Variants in FHOD3 observed in about 807,000 individuals in gnomAD.
The protein encoded by FHOD3 is formin homology 2 domain containing 3.
A neutral mutation model predicts 173.0 loss-of-function variants in FHOD3; 90 were observed. The observed-to-expected ratio is 0.52, with a 90% CI of 0.44 to 0.62. FHOD3 has a LOEUF of 0.62. Among genes scored for constraint, FHOD3 ranks in the 20% least tolerant of loss-of-function variants. The pLI is 0.00. For synonymous variants in FHOD3, 828 were observed against 823.0 expected, an observed-to-expected ratio of 1.01 and a Z score of -0.10; for missense variants, 1,945 against 2,034.7, an observed-to-expected ratio of 0.96 and a Z score of 0.85.
chr18:36,728,350 A>G (rs1451954521), intron 19 of FHOD3, among the ~76,000 whole-genome samples: 1 of 152,190 alleles, frequency 6.6e-6, no homozygotes, highest in East Asian at 1.9e-4. Flanking sequence ...TCATTCCTTT[A>G]GCATTCCACA....
chr18:36,463,968 C>G (rs1245341573), intron 3 of FHOD3, among the ~76,000 whole-genome samples: 1 of 152,074 alleles, frequency 6.6e-6, no homozygotes, highest in Non-Finnish European at 1.5e-5. Flanking sequence ...AAGATTGATT[C>G]AGAAAATAGC....
chr18:36,569,711 A>G (rs2058388630), intron 5 of FHOD3, among the ~76,000 whole-genome samples: 1 of 152,192 alleles, frequency 6.6e-6, no homozygotes, highest in African/African-American at 2.4e-5. Flanking sequence ...AACCAATTTA[A>G]AATAATTGAA....
At chr18:36,415,320 C>T (rs1437431472) in intron 3 of FHOD3, among the ~76,000 whole-genome samples, 1 of 152,166 alleles carries the variant, frequency 6.6e-6, no homozygotes, top group Non-Finnish European at 1.5e-5. Flanking sequence ...GGTTTATGAT[C>T]TCATTTTGTT....
intron 5 of FHOD3, among the ~76,000 whole-genome samples, chr18:36,516,525 G>A (rs374548735): frequency 5.3e-5 from 8 of 152,198 alleles, no homozygotes; most frequent in African/African-American, 1.9e-4. Context: ...GGAGAAGGTT[G>A]GGGTGTAGAC....
rs561172625 is a variant in FHOD3 at position 36,330,599 on chromosome 18, C to T, written c.166-24940C>T. Among the ~76,000 whole-genome samples the T allele has an allele frequency of 9.0e-5, 12 of 133,198 alleles. No individual in the cohort carries two copies. In the South Asian group the frequency reaches 2.3e-3, roughly 25 times the overall value. 87.4% of individuals were successfully genotyped at this position (133,198 alleles called of 152,430 possible). ...ACTGTGGCGTGCAGGGCTGACCATC[C>T]GTCATTTTGCTGGCTGGTGTATCCA... On this transcript the variant is annotated intron_variant, in intron 1 of 28. Transcript: ENST00000590592.
chr18:36,323,164 G>T (rs556655765), intron 1 of FHOD3, among the ~76,000 whole-genome samples: 1 of 152,270 alleles, frequency 6.6e-6, no homozygotes, highest in Non-Finnish European at 1.5e-5. Context: ...CACTCAGAAA[G>T]GGGGCACCCG....
At chr18:36,350,515 G>A (rs1367346289) in intron 1 of FHOD3, among the ~76,000 whole-genome samples, 2 of 152,176 alleles carry the variant, frequency 1.3e-5, no homozygotes, top group South Asian at 4.1e-4. Flanking sequence ...ACCAAACCTA[G>A]AGCCAAGAAA....
intron 3 of FHOD3, among the ~76,000 whole-genome samples, chr18:36,472,882 T>C (rs2053362836): frequency 6.6e-6 from 1 of 152,224 alleles, no homozygotes; most frequent in Non-Finnish European, 1.5e-5. Context: ...TGAAGGGGCA[T>C]AAAGAGCTGG....
intron 6 of FHOD3, among the ~76,000 whole-genome samples, chr18:36,588,073 A>G (rs2059100576): frequency 6.6e-6 from 1 of 152,240 alleles, no homozygotes; most frequent in Non-Finnish European, 1.5e-5. Context: ...CCTGCAAAAC[A>G]AGACCCAGAG....
At chr18:36,522,807 C>T (rs2056337327) in intron 5 of FHOD3, among the ~76,000 whole-genome samples, 1 of 152,096 alleles carries the variant, frequency 6.6e-6, no homozygotes, top group African/African-American at 2.4e-5. Context: ...AAAGTTTATA[C>T]CAAGAAATGT....
intron 3 of FHOD3, among the ~76,000 whole-genome samples, chr18:36,391,452 A>G (rs2048295774): frequency 6.6e-6 from 1 of 152,136 alleles, no homozygotes; most frequent in Non-Finnish European, 1.5e-5. Context: ...TCTCGATGAT[A>G]GGAGGGTCCT....
At chr18:36,704,991 G>GTC (rs2039792975) in intron 17 of FHOD3, among the ~76,000 whole-genome samples, 4 of 48,564 alleles carry the variant, frequency 8.2e-5, no homozygotes, top group Admixed American at 2.9e-4. Flanking sequence ...TTCCTCCTCT[G>GTC]TCTCTCTCTC....
intron 3 of FHOD3, among the ~76,000 whole-genome samples, chr18:36,391,122 A>T (rs756963002): frequency 1.3e-5 from 2 of 152,236 alleles, no homozygotes; most frequent in Non-Finnish European, 2.9e-5. Flanking sequence ...CTTCATAAGC[A>T]TAAGGCCAGG....
intron 1 of FHOD3, among the ~76,000 whole-genome samples, chr18:36,314,737 C>A (rs1598672609): frequency 6.6e-6 from 1 of 152,302 alleles, no homozygotes; most frequent in East Asian, 1.9e-4. Context: ...AGCCTGGGGA[C>A]CTGCCTCAAA....
At position 36,740,844 on chromosome 18, in the gene FHOD3, C is replaced by G. The variant is rs747524384; in HGVS notation, c.3759+6C>G. 1.9e-6 allele frequency: 3 copies of G among 1,609,884 alleles called. No homozygotes were observed. The African/African-American group carries it at 4.0e-5, about 22-fold the overall frequency. On this transcript the variant is annotated splice_donor_region_variant and intron_variant, in intron 21 of 28. Coordinates refer to ENST00000590592, the MANE Select transcript of FHOD3 (RefSeq NM_001281740.3). ...ATTATGAAACTACAGAAAAGGTAAGCTCTCTGTAAGAGAGGCCGCTGATCC... is the reference window on the plus strand; with the variant it reads ...ATTATGAAACTACAGAAAAGGTAAGGTCTCTGTAAGAGAGGCCGCTGATCC...
chr18:36,608,412 A>G (rs1453751289), intron 8 of FHOD3, among the ~76,000 whole-genome samples: 3 of 152,242 alleles, frequency 2.0e-5, no homozygotes, highest in Admixed American at 2.0e-4. Flanking sequence ...CTGAGATAAC[A>G]GAACTAATCC....
At chr18:36,408,827 G>A (rs574422851) in intron 3 of FHOD3, among the ~76,000 whole-genome samples, 5 of 152,298 alleles carry the variant, frequency 3.3e-5, no homozygotes, top group African/African-American at 1.2e-4. Context: ...CCTCCCAGGA[G>A]CAGATGGGCC....
intron 8 of FHOD3, among the ~76,000 whole-genome samples, chr18:36,604,211 C>G (rs1299526195): frequency 6.6e-6 from 1 of 152,194 alleles, no homozygotes. Flanking sequence ...TCCTTGTACT[C>G]TCCTTACACG....
In FHOD3 at chr18:36,657,237, A is replaced by G. The variant is rs78409231; in HGVS notation, c.1722-838A>G. Among the ~76,000 whole-genome samples the G allele has an allele frequency of 8.8e-3, 1,342 of 152,216 alleles. 21 individuals carry two copies. The highest frequency in any genetic ancestry group is 0.031 in the African/African-American group (1,272 of 41,504). On this transcript the variant is annotated intron_variant, in intron 13 of 28. Transcript: ENST00000590592. Reference sequence around the variant, plus strand: ...TGGGTCCTGCTCTGTGGCTGGGTAGATTTGCGAGGCAAAGCTCTCTGAGCC... The same window carrying G: ...TGGGTCCTGCTCTGTGGCTGGGTAGGTTTGCGAGGCAAAGCTCTCTGAGCC...
Sources: gnomAD v4.1 joint callset for allele counts (sites outside exome capture counted in the v4.1 genomes callset) on GRCh38, gnomAD v4.1.1 for gene constraint, MANE v1.5 for transcripts, NCBI Gene and HGNC (gene_info 2026-07-23, HGNC 2026-07-21) for gene names.